The following SLC14A2 variants were observed in gnomAD, a reference collection of about 807,000 sequenced individuals.
SLC14A2 encodes solute carrier family 14 member 2.
In SLC14A2, 91 loss-of-function variants were observed where a neutral mutation model predicts 104.6. That is an observed-to-expected ratio of 0.87 (90% CI 0.73 to 1.04). The LOEUF (loss-of-function observed/expected upper bound fraction) is 1.04. Ranked by LOEUF, SLC14A2 falls within the 50% of genes least tolerant of loss-of-function variation. The pLI is 0.00. For missense variants in SLC14A2, 1,189 were observed against 1,156.0 expected (o/e 1.03, Z -0.41); for synonymous variants, 476 against 466.4 (o/e 1.02, Z -0.27).
At chr18:45,534,685 A>C (rs1351116006) in intron 2 of SLC14A2, among the ~76,000 whole-genome samples, 2 of 152,172 alleles carry the variant, frequency 1.3e-5, no homozygotes, top group East Asian at 3.9e-4. Context: ...TTCGTGGAGG[A>C]TATGGGACAT....
intron 2 of SLC14A2, chr18:45,528,737 GAA>G (rs745727537): frequency 8.5e-5 from 13 of 152,048 alleles, no homozygotes; most frequent in Admixed American, 2.0e-4. Flanking sequence ...TCAGTTAATT[GAA>G]AAAAAGTTAA....
intron 1 of SLC14A2, among the ~76,000 whole-genome samples, chr18:45,359,955 T>C (rs374975731): frequency 6.6e-6 from 1 of 152,316 alleles, no homozygotes; most frequent in Admixed American, 6.5e-5. Context: ...CCAAACTCAC[T>C]GCAATCTCCA....
chr18:45,327,858 A>C (rs1258225595), intron 1 of SLC14A2, among the ~76,000 whole-genome samples: 1 of 152,188 alleles, frequency 6.6e-6, no homozygotes, highest in Non-Finnish European at 1.5e-5. Context: ...GGGAATGATA[A>C]GGCTTGGTAA....
intron 10 of SLC14A2, among the ~76,000 whole-genome samples, chr18:45,648,195 C>CTTTTTTTTTTTTTTTTTTTTTTT (rs59843067): frequency 9.9e-6 from 1 of 101,246 alleles, no homozygotes; most frequent in African/African-American, 3.9e-5. Context: ...CTAGTTAATG[C>CTTTTTTTTTTTTTTTTTTTTTTT]TTTTTTTTTT....
intron 1 of SLC14A2, among the ~76,000 whole-genome samples, chr18:45,235,272 A>G (rs1392743745): frequency 2.0e-5 from 3 of 152,162 alleles, no homozygotes; most frequent in Non-Finnish European, 4.4e-5. Context: ...TTTCATTAAA[A>G]TGCTTTATTT....
intron 1 of SLC14A2, among the ~76,000 whole-genome samples, chr18:45,215,842 A>ATTT (rs111843378): frequency 1.2e-4 from 18 of 151,232 alleles, no homozygotes; most frequent in African/African-American, 2.7e-4. Context: ...CTATAATGGT[A>ATTT]TTTTTTTTTG....
intron 1 of SLC14A2, among the ~76,000 whole-genome samples, chr18:45,383,652 C>A (rs1568176089): frequency 6.6e-6 from 1 of 152,274 alleles, no homozygotes; most frequent in South Asian, 2.1e-4. Context: ...CCTCACAGGC[C>A]TCCAGGTGTT....
intron 2 of SLC14A2, among the ~76,000 whole-genome samples, chr18:45,550,418 G>A (rs559230140): frequency 3.1e-4 from 47 of 152,274 alleles, no homozygotes; most frequent in African/African-American, 1.1e-3. Context: ...CCCATATTGA[G>A]TTAATTGCTC....
intron 1 of SLC14A2, among the ~76,000 whole-genome samples, chr18:45,397,337 CTT>C (rs1724836645): frequency 6.6e-6 from 1 of 152,138 alleles, no homozygotes; most frequent in Admixed American, 6.5e-5. Context: ...ATTTTATTGA[CTT>C]TTTAATAGTA....
chr18:45,311,216 G>A (rs555934568), intron 1 of SLC14A2, among the ~76,000 whole-genome samples: 1 of 152,358 alleles, frequency 6.6e-6, no homozygotes, highest in East Asian at 1.9e-4. Context: ...GAAGGGAAAA[G>A]TCAGAAGGCT....
intron 2 of SLC14A2, among the ~76,000 whole-genome samples, chr18:45,530,123 C>A (rs1225850873): frequency 6.6e-6 from 1 of 152,132 alleles, no homozygotes; most frequent in African/African-American, 2.4e-5. Context: ...TTCAAACAAC[C>A]CTTCTTTTCT....
intron 1 of SLC14A2, among the ~76,000 whole-genome samples, chr18:45,444,028 G>C (rs1000369575): frequency 6.6e-6 from 1 of 152,168 alleles, no homozygotes; most frequent in Non-Finnish European, 1.5e-5. Flanking sequence ...GAGGACAAGG[G>C]AGAAGAAATG....
the SLC14A2 span, among the ~76,000 whole-genome samples, chr18:45,191,384 T>C: frequency 2.0e-5 from 3 of 152,196 alleles, no homozygotes; most frequent in African/African-American, 7.2e-5. Flanking sequence ...ATTCAACATA[T>C]GTCCTGAACT....
intron 1 of SLC14A2, among the ~76,000 whole-genome samples, chr18:45,378,857 C>T (rs1349300419): frequency 2.6e-5 from 4 of 152,074 alleles, no homozygotes; most frequent in African/African-American, 9.7e-5. Flanking sequence ...GTGATCTGCC[C>T]GTCTCAGCCT....
intron 2 of SLC14A2, among the ~76,000 whole-genome samples, chr18:45,563,021 G>T (rs1374380589): frequency 6.6e-6 from 1 of 152,158 alleles, no homozygotes; most frequent in East Asian, 1.9e-4. Context: ...GATTTTCTAG[G>T]TCTTTGAAAA....
At chr18:45,450,014 G>T (rs765940727) in intron 1 of SLC14A2, among the ~76,000 whole-genome samples, 19 of 152,160 alleles carry the variant, frequency 1.2e-4, no homozygotes, top group Non-Finnish European at 2.5e-4. Flanking sequence ...TGAACCATCT[G>T]CCTGTCTCAC....
At chr18:45,227,930 T>C (rs1419343600) in intron 1 of SLC14A2, among the ~76,000 whole-genome samples, 1 of 152,190 alleles carries the variant, frequency 6.6e-6, no homozygotes, top group African/African-American at 2.4e-5. Context: ...CTGGATTTCA[T>C]TGCAGGAAAA....
chr18:45,377,752 A>G (rs1012385648), intron 1 of SLC14A2, among the ~76,000 whole-genome samples: 1 of 152,044 alleles, frequency 6.6e-6, no homozygotes, highest in African/African-American at 2.4e-5. Context: ...TTTCTGTCCT[A>G]TAACTCTAAT....
chr18:45,533,808 T>A (rs1372026806), intron 2 of SLC14A2, among the ~76,000 whole-genome samples: 3 of 152,200 alleles, frequency 2.0e-5, no homozygotes, highest in Non-Finnish European at 4.4e-5. Flanking sequence ...TAGTTTTAGA[T>A]CTTTCCTGCT....
Sources: gnomAD v4.1 joint callset for allele counts (sites outside exome capture counted in the v4.1 genomes callset) on GRCh38, gnomAD v4.1.1 for gene constraint, MANE v1.5 for transcripts, NCBI Gene and HGNC (gene_info 2026-07-23, HGNC 2026-07-21) for gene names.